The following BPNT1 variants were observed in gnomAD, a reference collection of about 807,000 sequenced individuals.
BPNT1 encodes 3'(2'),5'-bisphosphate nucleotidase 1.
A neutral mutation model predicts 36.9 loss-of-function variants in BPNT1; 28 were observed. The ratio of observed to expected loss-of-function variants is 0.76; its 90% CI spans 0.56 to 1.04. The LOEUF is 1.04. Ranked by LOEUF, BPNT1 falls within the 50% of genes least tolerant of loss-of-function variation. The pLI, the probability that BPNT1 is intolerant of heterozygous loss-of-function variation, is 0.00. For missense variants in BPNT1, 313 were observed against 372.9 expected (o/e 0.84, Z 1.32); for synonymous variants, 119 against 130.9 (o/e 0.91, Z 0.62).
chr1:220,063,583 AT>A (rs953863717), intron 6 of BPNT1, among the ~76,000 whole-genome samples: 4 of 152,098 alleles, frequency 2.6e-5, no homozygotes, highest in African/African-American at 4.8e-5. Context: ...GAAAATGGCC[AT>A]TTTCAGAAGG....
rs1029037156 is a variant in BPNT1, at chr1:220,069,391, A to G, written c.375T>C (p.Tyr125=). 1.9e-6 allele frequency: 3 copies of G among 1,602,914 alleles called. No homozygotes were observed. The highest frequency in any genetic ancestry group is 2.6e-6 in the Non-Finnish European group (3 of 1,175,028). ...TACAAAAGAGATATCAACCTTCGGT[A>G]TATTCCTTGGTTCCATCCAGAGGAT... ...WVDPLDGTKE[Y]TEGLLDNVTV... Residue 125 remains tyrosine, a synonymous_variant, in exon 5 of 9, where the codon TAT becomes TAC. Coordinates refer to ENST00000322067, the MANE Select transcript of BPNT1 (RefSeq NM_006085.6).
chr1:220,075,651 T>C (rs1254993291), intron 2 of BPNT1, among the ~76,000 whole-genome samples: 1 of 152,230 alleles, frequency 6.6e-6, no homozygotes, highest in African/African-American at 2.4e-5. Flanking sequence ...CATTCCACTA[T>C]GTGAGGAAAT....
At chr1:220,072,548 C>G (rs1179323973) in intron 4 of BPNT1, among the ~76,000 whole-genome samples, 2 of 152,116 alleles carry the variant, frequency 1.3e-5, no homozygotes, top group Non-Finnish European at 2.9e-5. Context: ...CTCCTAGACT[C>G]AAGCAATCCA....
intron 4 of BPNT1, among the ~76,000 whole-genome samples, chr1:220,070,512 A>AT (rs1663966319): frequency 6.6e-6 from 1 of 151,542 alleles, no homozygotes; most frequent in African/African-American, 2.4e-5. Flanking sequence ...CACCCAGCTA[A>AT]TTTTTTGTAT....
rs1662844632 is a variant in BPNT1 at position 220,059,687 on chromosome 1, T to A, written c.777A>T (p.Gly259=). 1 of 1,601,434 alleles carries A rather than the reference T, an allele frequency of 6.2e-7. No homozygotes were observed. The highest frequency in any genetic ancestry group is 8.5e-7 in the Non-Finnish European group (1 of 1,174,416). The change falls in exon 8 of 9, where the codon GGA becomes GGT. Residue 259 remains glycine, a splice_region_variant and synonymous_variant. Transcript: ENST00000322067. ...TTTCCTCAAATAAAACAGACTAACC[T>A]CCCACAGCATGTAAAATAACTTCTG... ...CAPEVILHAV[G]GKLTDIHGNV...
chr1:220,081,699 A>G (rs1057249576), intron 1 of BPNT1, among the ~76,000 whole-genome samples: 4 of 152,026 alleles, frequency 2.6e-5, no homozygotes, highest in African/African-American at 9.7e-5. Context: ...CTTTGGGAGT[A>G]TATCTGCTGA....
intron 1 of BPNT1, among the ~76,000 whole-genome samples, chr1:220,088,607 T>C (rs1483532542): frequency 6.6e-6 from 1 of 150,678 alleles, no homozygotes; most frequent in African/African-American, 2.4e-5. Flanking sequence ...CTGGGCAACA[T>C]GGCAAAACCT....
intron 6 of BPNT1, chr1:220,065,972 G>T: frequency 1.4e-6 from 1 of 696,076 alleles, no homozygotes; most frequent in Non-Finnish European, 2.2e-6. Context: ...TGGAGAAAAT[G>T]AACTGGTATG....
chr1:220,077,162 A>G (rs1328078327), intron 2 of BPNT1, among the ~76,000 whole-genome samples: 1 of 152,170 alleles, frequency 6.6e-6, no homozygotes, highest in Non-Finnish European at 1.5e-5. Context: ...ATGAATTTAA[A>G]TTTGTGGATA....
At chr1:220,075,904 T>C (rs1664501343) in intron 2 of BPNT1, among the ~76,000 whole-genome samples, 1 of 152,168 alleles carries the variant, frequency 6.6e-6, no homozygotes, top group East Asian at 1.9e-4. Context: ...CAAAATTGTA[T>C]GTCTAATATA....
intron 1 of BPNT1, among the ~76,000 whole-genome samples, chr1:220,085,867 G>T (rs1386300036): frequency 1.3e-5 from 2 of 152,054 alleles, no homozygotes; most frequent in African/African-American, 4.8e-5. Flanking sequence ...TCAGAAGGAT[G>T]GAAAAAAACA....
chr1:220,089,038 T>TTGCAG (rs1247730531), intron 1 of BPNT1, among the ~76,000 whole-genome samples: 4 of 141,312 alleles, frequency 2.8e-5, no homozygotes, highest in Admixed American at 2.2e-4. Context: ...GAGGTGGAGC[T>TTGCAG]TGCAGTGAGC....
intron 6 of BPNT1, 90 bp from the exon 7 acceptor site, chr1:220,063,044 G>GTTTTT: frequency 7.1e-7 from 1 of 1,407,654 alleles, no homozygotes; most frequent in Non-Finnish European, 9.9e-7. Context: ...TTAGCATCAT[G>GTTTTT]ATTTAAAAAA....
chr1:220,069,331 C>T (rs1663832045), intron 5 of BPNT1, 53 bp downstream of exon 5: 14 of 1,348,236 alleles, frequency 1.0e-5, no homozygotes, highest in South Asian at 1.3e-5. Context: ...TTACAACTAA[C>T]ATCATATCCT....
intron 2 of BPNT1, among the ~76,000 whole-genome samples, chr1:220,077,743 T>C (rs1258457247): frequency 2.6e-5 from 4 of 152,204 alleles, no homozygotes; most frequent in Non-Finnish European, 4.4e-5. Context: ...TAGATAGATA[T>C]ATCACTCATA....
chr1:220,059,894 A>C, intron 7 of BPNT1, 103 bp from the exon 8 acceptor site: 1 of 797,964 alleles, frequency 1.3e-6, no homozygotes, highest in South Asian at 2.0e-5. Context: ...GTTTCTATCA[A>C]GGACATTTAA....
chr1:220,081,176 C>CT (rs1655080093), intron 1 of BPNT1, among the ~76,000 whole-genome samples: 1 of 151,652 alleles, frequency 6.6e-6, no homozygotes, highest in African/African-American at 2.4e-5. Flanking sequence ...ACCTCGTGAT[C>CT]CCCCCCCTTG....
intron 3 of BPNT1, 50 bp from the exon 4 acceptor site, chr1:220,073,007 G>A: frequency 4.3e-6 from 6 of 1,403,886 alleles, no homozygotes; most frequent in Non-Finnish European, 6.1e-6. Flanking sequence ...AGTGTTTACA[G>A]AGTATGCTTT....
intron 1 of BPNT1, among the ~76,000 whole-genome samples, chr1:220,083,788 T>A (rs1004185206): frequency 9.9e-5 from 15 of 152,190 alleles, no homozygotes; most frequent in Non-Finnish European, 1.8e-4. Flanking sequence ...GAGTTTGTGA[T>A]CTGTTAAAAC....
Sources: gnomAD v4.1 joint callset for allele counts (sites outside exome capture counted in the v4.1 genomes callset) on GRCh38, gnomAD v4.1.1 for gene constraint, MANE v1.5 for transcripts, NCBI Gene and HGNC (gene_info 2026-07-23, HGNC 2026-07-21) for gene names.